The following OSBP2 variants were observed in gnomAD, a reference collection of about 807,000 sequenced individuals.
OSBP2 encodes the protein oxysterol binding protein 2, also known as oxysterol-binding protein 2.
Under a neutral mutation model 96.0 loss-of-function variants are expected in OSBP2, and 66 were observed. That is an observed-to-expected ratio of 0.69 (90% CI 0.56 to 0.84). The LOEUF is 0.84. Among genes scored for constraint, OSBP2 ranks in the 40% least tolerant of loss-of-function variants. The probability of loss-of-function intolerance (pLI) is 0.00; values close to 1 mark genes in which losing one functional copy is unlikely to be tolerated. For missense variants in OSBP2, 1,038 were observed against 1,222.7 expected (o/e 0.85, Z 2.25); for synonymous variants, 525 against 520.9 (o/e 1.01, Z -0.11).
chr22:30,895,137 G>A (rs975639955), intron 12 of OSBP2, among the ~76,000 whole-genome samples: 8 of 152,276 alleles, frequency 5.3e-5, no homozygotes, highest in African/African-American at 1.9e-4. Flanking sequence ...AGGCCCCCCC[G>A]CCATGCTGCC....
intron 12 of OSBP2, chr22:30,894,308 C>T: frequency 3.2e-6 from 1 of 316,354 alleles, no homozygotes; most frequent in East Asian, 5.7e-5. Flanking sequence ...TAAAATGTGG[C>T]ATAGGAAAGT....
intron 2 of OSBP2, among the ~76,000 whole-genome samples, chr22:30,821,859 A>T (rs1418306419): frequency 6.6e-6 from 1 of 152,266 alleles, no homozygotes; most frequent in Non-Finnish European, 1.5e-5. Flanking sequence ...GCTCCTTTAG[A>T]AATCAGCGTT....
chr22:30,713,143 A>G (rs2089384218), intron 1 of OSBP2, among the ~76,000 whole-genome samples: 1 of 144,964 alleles, frequency 6.9e-6, no homozygotes, highest in African/African-American at 2.6e-5. Flanking sequence ...CAGTGGCGTG[A>G]TCTCGGCTCA....
Position 30,695,539 on chromosome 22 carries a change from G to A in OSBP2, c.630G>A (p.Leu210=). The change falls in exon 1 of 14, where the codon TTG becomes TTA. Residue 210 remains leucine (L), a synonymous_variant. Coordinates refer to ENST00000332585, the MANE Select transcript of OSBP2 (RefSeq NM_030758.4). ...GCTGGTTCGTGCTGGGCAATGGTTT[G>A]CTCTCTTACTACAGGTATGGAAGCG... ...QRRWFVLGNG[L]LSYYRNQGEM... 4 of 1,609,060 alleles carry A rather than the reference G, an allele frequency of 2.5e-6. No homozygotes were observed. Among genetic ancestry groups the A allele is most frequent in the Non-Finnish European group, 3.4e-6 (4 of 1,179,802 alleles).
chr22:30,870,656 C>A lies in OSBP2; in HGVS notation c.1081C>A (p.Arg361Ser), dbSNP rs201306954. 1.1e-5 allele frequency: 17 copies of A among 1,613,642 alleles called. No individual in the cohort carries two copies. In the African/African-American group the frequency reaches 2.3e-4, roughly 22 times the overall value. ...GGTGAATGAGCGGGCCACCCTCTTC[C>A]GCATCACATCCAATGCTATGATCAA... Reference protein sequence around the residue: ...KVVNERATLFRITSNAMINAC... With the variant: ...KVVNERATLFSITSNAMINAC... Residue 361 changes from arginine (R) to serine (S), a missense_variant, in exon 3 of 14, where the codon CGC becomes AGC. By Grantham distance (110) the Arg-to-Ser change is moderately radical. Around this residue, in one of 3 missense-constraint regions of OSBP2, gnomAD observed 737 missense variants for 913.3 expected, o/e 0.81. Transcript: ENST00000332585. This position sits in a 1 kb window ranked among gnomAD's most constrained non-coding sequence, Gnocchi z 4.1.
intron 2 of OSBP2, among the ~76,000 whole-genome samples, chr22:30,751,618 G>T (rs561591943): frequency 3.0e-4 from 46 of 152,198 alleles, no homozygotes; most frequent in Middle Eastern, 3.4e-3. Context: ...GCCTCCCAAA[G>T]TACTGGGATT....
At chr22:30,694,198 A>G, upstream of OSBP2, 1 of 1,550,022 alleles carries the variant, frequency 6.5e-7, no homozygotes. Context: ...GTCTTCCCCT[A>G]TTTGTTTAGA....
intron 2 of OSBP2, among the ~76,000 whole-genome samples, chr22:30,771,163 G>T (rs1218827883): frequency 1.3e-5 from 2 of 152,192 alleles, no homozygotes; most frequent in African/African-American, 4.8e-5. Flanking sequence ...CCTGCCATCG[G>T]CAGGAGGGCA....
intron 1 of OSBP2, among the ~76,000 whole-genome samples, chr22:30,707,782 C>A (rs1257864850): frequency 6.6e-6 from 1 of 151,788 alleles, no homozygotes; most frequent in African/African-American, 2.4e-5. Flanking sequence ...AAAGACCCAA[C>A]ATGCAGCCTG....
At chr22:30,774,468 G>T (rs1233414411) in intron 2 of OSBP2, among the ~76,000 whole-genome samples, 1 of 152,162 alleles carries the variant, frequency 6.6e-6, no homozygotes, top group African/African-American at 2.4e-5. Flanking sequence ...TTATGAATGC[G>T]CCACCACCTT....
At chr22:30,728,482 G>C (rs1005161470) in intron 1 of OSBP2, among the ~76,000 whole-genome samples, 2 of 151,848 alleles carry the variant, frequency 1.3e-5, no homozygotes, top group Non-Finnish European at 2.9e-5. Context: ...ATTTTTTCCA[G>C]GTTTTTTTGT....
At chr22:30,733,808 T>A (rs1339343605) in intron 1 of OSBP2, among the ~76,000 whole-genome samples, 1 of 152,176 alleles carries the variant, frequency 6.6e-6, no homozygotes, top group African/African-American at 2.4e-5. Flanking sequence ...ATTGCGAGTA[T>A]TATTTTGTTG....
chr22:30,805,214 GCA>G (rs576951276), intron 2 of OSBP2, among the ~76,000 whole-genome samples: 185 of 152,306 alleles, frequency 1.2e-3, no homozygotes, highest in Non-Finnish European at 2.2e-3. Context: ...CTGCATTTAT[GCA>G]CAGTTATAAA....
chr22:30,772,575 T>A (rs1252148012), intron 2 of OSBP2, among the ~76,000 whole-genome samples: 1 of 152,180 alleles, frequency 6.6e-6, no homozygotes, highest in African/African-American at 2.4e-5. Flanking sequence ...AGCCCTCAAG[T>A]CCTACCTGTC....
intron 1 of OSBP2, among the ~76,000 whole-genome samples, chr22:30,696,495 G>A (rs1182650836): frequency 4.6e-5 from 7 of 152,156 alleles, no homozygotes; most frequent in Non-Finnish European, 8.8e-5. Context: ...CTTCCCAGGC[G>A]TGGCTGGTGA....
intron 3 of OSBP2, among the ~76,000 whole-genome samples, chr22:30,876,876 G>A (rs1299637665): frequency 3.3e-5 from 5 of 152,144 alleles, no homozygotes; most frequent in African/African-American, 4.8e-5. Flanking sequence ...CCACTACACT[G>A]CTGCATTATG....
At chr22:30,872,399 T>A (rs1218299997) in intron 3 of OSBP2, 1 of 456,388 alleles carries the variant, frequency 2.2e-6, no homozygotes. Flanking sequence ...TTTTCCGAGA[T>A]AATGAGCGTC....
chr22:30,897,400 A>G (rs1276445976), intron 12 of OSBP2, among the ~76,000 whole-genome samples: 1 of 152,236 alleles, frequency 6.6e-6, no homozygotes, highest in East Asian at 1.9e-4. Context: ...CTCTGAGAAC[A>G]TATTTTTTCT....
chr22:30,905,538 A>G (rs1264882515), intron 12 of OSBP2, among the ~76,000 whole-genome samples: 2 of 152,238 alleles, frequency 1.3e-5, no homozygotes, highest in Non-Finnish European at 2.9e-5. Context: ...ATAGAAAAGA[A>G]GAAAAGCCAA....
Sources: gnomAD v4.1 joint callset for allele counts (sites outside exome capture counted in the v4.1 genomes callset) on GRCh38, gnomAD v4.1.1 for gene constraint, gnomAD v4.1.1 regional missense constraint, Gnocchi (gnomAD v3.1) non-coding constraint, MANE v1.5 for transcripts, NCBI Gene and HGNC (gene_info 2026-07-23, HGNC 2026-07-21) for gene names.